The following MINDY3 variants were observed in gnomAD, a reference collection of about 807,000 sequenced individuals.
MINDY3 encodes the protein ubiquitin carboxyl-terminal hydrolase MINDY-3.
Under a neutral mutation model 69.2 loss-of-function variants are expected in MINDY3, and 38 were observed. That is an observed-to-expected ratio of 0.55 (90% confidence interval 0.42 to 0.72). MINDY3 has a LOEUF of 0.72. MINDY3 is among the 30% of genes least tolerant of loss of function. The probability of loss-of-function intolerance (pLI) is 0.00; values close to 1 mark genes in which losing one functional copy is unlikely to be tolerated. For synonymous variants in MINDY3, 192 were observed against 180.1 expected (o/e 1.07, Z -0.53); for missense variants, 522 against 519.0 (o/e 1.01, Z -0.06).
At chr10:15,822,125 A>G (rs963123356) in intron 8 of MINDY3, among the ~76,000 whole-genome samples, 2 of 152,194 alleles carry the variant, frequency 1.3e-5, no homozygotes, top group Non-Finnish European at 2.9e-5. Context: ...TGGATATGCT[A>G]ATCACTGGTA....
intron 1 of MINDY3, among the ~76,000 whole-genome samples, chr10:15,849,169 C>A (rs1834088408): frequency 6.6e-6 from 1 of 152,140 alleles, no homozygotes; most frequent in African/African-American, 2.4e-5. Flanking sequence ...AACTTCCAGG[C>A]TCATCTTGAA....
At chr10:15,786,258 G>T (rs1405405934) in intron 13 of MINDY3, among the ~76,000 whole-genome samples, 1 of 152,042 alleles carries the variant, frequency 6.6e-6, no homozygotes, top group African/African-American at 2.4e-5. Flanking sequence ...AGAAAAGTGG[G>T]GGTGGGAGTG....
chr10:15,849,110 C>A (rs1834081891), intron 1 of MINDY3, among the ~76,000 whole-genome samples: 1 of 152,090 alleles, frequency 6.6e-6, no homozygotes, highest in Non-Finnish European at 1.5e-5. Context: ...GAGAAGAATG[C>A]AGAGTATTGT....
rs1378097881 is a variant in MINDY3, at chr10:15,796,176, A to G, written c.883-4T>C. On this transcript the variant is annotated splice_polypyrimidine_tract_variant and splice_region_variant and intron_variant, in intron 10 of 14. Transcript: ENST00000277632. ...CAGGGGCAACTAAAGCCATATCCTG[A>G]AAAGATAAGAAGCATGTTGTCAACC... 1.2e-6 allele frequency: 2 copies of G among 1,611,818 alleles called. No individual in the cohort carries two copies. Among genetic ancestry groups the G allele is most frequent in the Non-Finnish European group, 1.7e-6 (2 of 1,178,312 alleles).
At chr10:15,843,117 A>G in intron 3 of MINDY3, 95 bp downstream of exon 3, 1 of 1,013,528 alleles carries the variant, frequency 9.9e-7, no homozygotes, top group African/African-American at 1.6e-5. Context: ...TCAGGAAAAA[A>G]AATTCCCACT....
chr10:15,823,148 A>C (rs138986833), intron 8 of MINDY3, among the ~76,000 whole-genome samples: 86 of 152,300 alleles, frequency 5.6e-4, no homozygotes, highest in African/African-American at 1.9e-3. Flanking sequence ...AAGAGCTGAC[A>C]GTTTAACTTT....
Position 15,847,932 on chromosome 10 carries a change from T to C in MINDY3, c.106A>G (p.Ser36Gly), listed in dbSNP as rs150064223. ...FCRWTQGFVF[S>G]ESEGSALEQF... ...TCTAATGCAGATCCCTCTGATTCAC[T>C]AAACACAAACCCTAAAAATGAAAGC... Residue 36 changes from serine (S) to glycine (G), a missense_variant, in exon 2 of 15, where the codon AGT becomes GGT. By Grantham distance (56) the Ser-to-Gly change is moderately conservative. Transcript: ENST00000277632. 136 of 1,613,682 alleles carry C rather than the reference T, an allele frequency of 8.4e-5. No individual in the cohort carries two copies. In the East Asian group the frequency reaches 2.1e-3, roughly 25 times the overall value.
intron 14 of MINDY3, among the ~76,000 whole-genome samples, chr10:15,780,465 C>A (rs145582380): frequency 6.6e-6 from 1 of 152,266 alleles, no homozygotes; most frequent in Non-Finnish European, 1.5e-5. Context: ...AAGTTAAATA[C>A]AATCGGCCCT....
In MINDY3 at chr10:15,778,902, C is replaced by T; in HGVS notation, c.*90G>A. ...GTTATTTACAGTTAATCAGTGATACCAGTGTTTAGCTTAATCCAGCCAATT... is the reference window on the plus strand; with the variant it reads ...GTTATTTACAGTTAATCAGTGATACTAGTGTTTAGCTTAATCCAGCCAATT... On this transcript the variant is annotated 3_prime_UTR_variant, in exon 15 of 15. Coordinates refer to ENST00000277632, the MANE Select transcript of MINDY3 (RefSeq NM_024948.4). 2 of 1,027,832 alleles carry T rather than the reference C, an allele frequency of 1.9e-6. No homozygotes were observed. The highest frequency in any genetic ancestry group is 2.9e-6 in the Non-Finnish European group (2 of 699,710). The allele number at this position is 1,027,832 out of a possible 1,614,324, so 63.7% of individuals were successfully genotyped here. A position where few individuals can be genotyped will look rare whatever the true frequency, so the allele number is the denominator to read the frequency against.
chr10:15,850,218 T>C (rs1024188026), intron 1 of MINDY3, among the ~76,000 whole-genome samples: 1 of 152,198 alleles, frequency 6.6e-6, no homozygotes. Context: ...AAGCTGAGCA[T>C]GTATGTCGCC....
chr10:15,789,398 G>GA (rs11327084), intron 11 of MINDY3, 79 bp from the exon 12 acceptor site: 1,457 of 1,082,834 alleles, frequency 1.3e-3, no homozygotes, highest in South Asian at 1.7e-3. Flanking sequence ...CAGGTTCCAG[G>GA]AAAAAAAAAT....
At chr10:15,798,180 A>G (rs905219091) in intron 10 of MINDY3, among the ~76,000 whole-genome samples, 2 of 152,194 alleles carry the variant, frequency 1.3e-5, no homozygotes, top group Non-Finnish European at 2.9e-5. Context: ...ATTTAAAACT[A>G]TGATCTAAAC....
At chr10:15,839,904 T>G (rs1449648710) in intron 4 of MINDY3, among the ~76,000 whole-genome samples, 3 of 151,652 alleles carry the variant, frequency 2.0e-5, no homozygotes, top group African/African-American at 7.2e-5. Flanking sequence ...TTCAATATAA[T>G]ATGCCCATCT....
intron 10 of MINDY3, among the ~76,000 whole-genome samples, chr10:15,803,554 C>T (rs1488545691): frequency 6.6e-6 from 1 of 152,038 alleles, no homozygotes; most frequent in Non-Finnish European, 1.5e-5. Flanking sequence ...TCAGATTTTC[C>T]ATTTCCAAAA....
intron 13 of MINDY3, among the ~76,000 whole-genome samples, chr10:15,785,115 A>G (rs919272958): frequency 6.6e-6 from 1 of 152,148 alleles, no homozygotes; most frequent in Admixed American, 6.5e-5. Flanking sequence ...TCATACTGAG[A>G]ACTCACTGCT....
At chr10:15,816,561 T>C (rs10904630) in intron 10 of MINDY3, among the ~76,000 whole-genome samples, 27,137 of 152,044 alleles carry the variant, frequency 0.18, 5,201 homozygotes, top group African/African-American at 0.49. Context: ...TTGTTTTCTC[T>C]ATAACACAAG....
intron 3 of MINDY3, 101 bp downstream of exon 3, chr10:15,843,111 G>A: frequency 1.0e-6 from 1 of 954,380 alleles, no homozygotes; most frequent in Non-Finnish European, 1.6e-6. Flanking sequence ...GAAACCTCAG[G>A]AAAAAAAATT....
intron 1 of MINDY3, among the ~76,000 whole-genome samples, chr10:15,854,423 A>G (rs555012241): frequency 1.3e-4 from 20 of 152,246 alleles, no homozygotes; most frequent in African/African-American, 4.8e-4. Context: ...AGAGATTAGC[A>G]AAAATGTAAA....
intron 4 of MINDY3, among the ~76,000 whole-genome samples, 156 bp downstream of exon 4, chr10:15,841,270 T>C (rs1833448224): frequency 6.6e-6 from 1 of 151,194 alleles, no homozygotes; most frequent in Non-Finnish European, 1.5e-5. Flanking sequence ...ATAAATGATA[T>C]GGAAATAAAA....
Sources: gnomAD v4.1 joint callset for allele counts (sites outside exome capture counted in the v4.1 genomes callset) on GRCh38, gnomAD v4.1.1 for gene constraint, MANE v1.5 for transcripts, NCBI Gene and HGNC (gene_info 2026-07-23, HGNC 2026-07-21) for gene names.